Variants in SPSB1 observed in about 807,000 individuals in gnomAD.
SPSB1 encodes SPRY domain-containing SOCS box protein 1.
Under a neutral mutation model 21.2 loss-of-function variants are expected in SPSB1, and 8 were observed. The ratio of observed to expected loss-of-function variants is 0.38; its 90% CI spans 0.22 to 0.68. The LOEUF is 0.68. Ranked by LOEUF, SPSB1 falls within the 30% of genes least tolerant of loss-of-function variation. The pLI, the probability that SPSB1 is intolerant of heterozygous loss-of-function variation, is 0.53. For synonymous variants in SPSB1, 169 were observed against 161.7 expected, an observed-to-expected ratio of 1.05 and a Z score of -0.34; for missense variants, 242 against 377.8, an observed-to-expected ratio of 0.64 and a Z score of 2.98.
In SPSB1 at chr1:9,324,878, G is replaced by T. The variant is rs1196055907; in HGVS notation, c.-149-30865G>T. ...CCGTGGAGCCAGCACGGTCTTGTCG[G>T]ATCCAGACCAGACAAATGCTTTCTT... On this transcript the variant is annotated intron_variant, in intron 1 of 2. Coordinates refer to ENST00000328089, the MANE Select transcript of SPSB1 (RefSeq NM_025106.4). The surrounding 1 kb of genome is among the most constrained non-coding windows in gnomAD (Gnocchi z 4.3). Among the ~76,000 whole-genome samples the T allele has an allele frequency of 6.6e-6, 1 of 152,232 alleles. No individual in the cohort carries two copies. Among genetic ancestry groups the T allele is most frequent in the Non-Finnish European group, 1.5e-5 (1 of 68,038 alleles).
intron 1 of SPSB1, among the ~76,000 whole-genome samples, chr1:9,309,744 AG>A: frequency 6.6e-6 from 1 of 152,324 alleles, no homozygotes; most frequent in South Asian, 2.1e-4. Flanking sequence ...TGGGAGGCTG[AG>A]GCAGGAGAAT....
At chr1:9,309,301 A>AGTGTGTGTGTGTGTGT (rs35952855) in intron 1 of SPSB1, among the ~76,000 whole-genome samples, 7 of 133,226 alleles carry the variant, frequency 5.3e-5, no homozygotes, top group African/African-American at 2.1e-4. Context: ...AGAGAGAGAG[A>AGTGTGTGTGTGTGTGT]GTGTGTGTGT....
At chr1:9,314,269 G>A (rs937829766) in intron 1 of SPSB1, among the ~76,000 whole-genome samples, 6 of 151,992 alleles carry the variant, frequency 3.9e-5, no homozygotes, top group Admixed American at 3.3e-4. Flanking sequence ...TCTCTGCTGG[G>A]CCGGGAGTAG....
At chr1:9,315,250 C>T (rs9726646) in intron 1 of SPSB1, among the ~76,000 whole-genome samples, 57,013 of 151,994 alleles carry the variant, frequency 0.38, 11,249 homozygotes, top group South Asian at 0.46. Context: ...ACCAGCTCAG[C>T]AGATTCCACT....
At chr1:9,335,239 C>T (rs1213511321) in intron 1 of SPSB1, among the ~76,000 whole-genome samples, 2 of 152,148 alleles carry the variant, frequency 1.3e-5, no homozygotes, top group Admixed American at 1.3e-4. Context: ...CAGTGGCTCA[C>T]GCCTGTAATT....
chr1:9,323,112 G>A (rs944008334), intron 1 of SPSB1, among the ~76,000 whole-genome samples: 2 of 152,204 alleles, frequency 1.3e-5, no homozygotes, highest in African/African-American at 2.4e-5. Context: ...AGGACTTTGC[G>A]GCCTCTGCAG....
chr1:9,297,714 G>A (rs903662746), intron 1 of SPSB1, among the ~76,000 whole-genome samples: 10 of 152,198 alleles, frequency 6.6e-5, no homozygotes, highest in African/African-American at 2.4e-4. Context: ...CCCACTGTGA[G>A]TAAGTTGGAG....
At position 9,368,974 on chromosome 1, in the gene SPSB1, G is replaced by A. The variant is rs924761916; in HGVS notation, c.*1399G>A. ...TGAGCTTGAAGTTAACTCTCTTAGA[G>A]TCTAACTTTGGTTCATTTCTGCACA... On this transcript the variant is annotated 3_prime_UTR_variant, in exon 3 of 3. Transcript: ENST00000328089. 6.6e-6 allele frequency: 1 copy of A among 152,514 alleles called. No homozygotes were observed. The highest frequency in any genetic ancestry group is 2.4e-5 in the African/African-American group (1 of 41,404). 9.4% of individuals were successfully genotyped at this position (152,514 alleles called of 1,614,324 possible). A position where few individuals can be genotyped will look rare whatever the true frequency, so the allele number is the denominator to read the frequency against.
chr1:9,340,643 G>A (rs1318130705), intron 1 of SPSB1, among the ~76,000 whole-genome samples: 1 of 152,250 alleles, frequency 6.6e-6, no homozygotes, highest in Non-Finnish European at 1.5e-5. Context: ...CGCAGCACCT[G>A]GGTCTGCGGT....
chr1:9,326,141 G>C (rs76402707), intron 1 of SPSB1, among the ~76,000 whole-genome samples: 2,029 of 152,208 alleles, frequency 0.013, 38 homozygotes, highest in African/African-American at 0.046. Flanking sequence ...GAATGTTCTT[G>C]GTGGGGCTGA....
At chr1:9,307,872 G>T (rs75746801) in intron 1 of SPSB1, among the ~76,000 whole-genome samples, 2 of 152,098 alleles carry the variant, frequency 1.3e-5, no homozygotes, top group African/African-American at 4.8e-5. Context: ...CGGGGTGCGC[G>T]TGGCCCCTCC....
Position 9,317,466 on chromosome 1 carries a change from A to G in SPSB1, c.-150+24395A>G, listed in dbSNP as rs183624842. Reference sequence around the variant, plus strand: ...GTGTGGTAGAGATTTTCAGACCACCAGGTGAGAACAGACAGGTTTTTTGTC... The same window carrying G: ...GTGTGGTAGAGATTTTCAGACCACCGGGTGAGAACAGACAGGTTTTTTGTC... On this transcript the variant is annotated intron_variant, in intron 1 of 2. Coordinates refer to ENST00000328089, the MANE Select transcript of SPSB1 (RefSeq NM_025106.4). This position sits in a 1 kb window ranked among gnomAD's most constrained non-coding sequence, Gnocchi z 4.3. Among the ~76,000 whole-genome samples the G allele has an allele frequency of 6.6e-6, 1 of 152,252 alleles. No homozygotes were observed. Among genetic ancestry groups the G allele is most frequent in the East Asian group, 1.9e-4 (1 of 5,178 alleles).
At chr1:9,333,328 CTTTTT>C (rs33924371) in intron 1 of SPSB1, among the ~76,000 whole-genome samples, 2 of 126,512 alleles carry the variant, frequency 1.6e-5, no homozygotes, top group Admixed American at 1.6e-4. Flanking sequence ...TTGTCAGCTT[CTTTTT>C]TTTTTTTTTT....
intron 1 of SPSB1, among the ~76,000 whole-genome samples, chr1:9,353,468 C>G (rs1640304865): frequency 6.6e-6 from 1 of 152,138 alleles, no homozygotes; most frequent in Non-Finnish European, 1.5e-5. Context: ...CCTGGGAGAT[C>G]ATGGATGTGA....
intron 1 of SPSB1, among the ~76,000 whole-genome samples, chr1:9,316,356 C>T (rs1392543761): frequency 1.3e-5 from 2 of 152,128 alleles, no homozygotes; most frequent in African/African-American, 4.8e-5. Flanking sequence ...GAGAGACAGC[C>T]CCTGGGGCAC....
At chr1:9,315,302 G>A (rs560418761) in intron 1 of SPSB1, among the ~76,000 whole-genome samples, 8 of 152,210 alleles carry the variant, frequency 5.3e-5, no homozygotes, top group South Asian at 2.1e-4. Flanking sequence ...ACACAGCCCC[G>A]TGCCAGTGTT....
intron 1 of SPSB1, among the ~76,000 whole-genome samples, chr1:9,298,802 C>T (rs1389256661): frequency 6.6e-6 from 1 of 152,318 alleles, no homozygotes; most frequent in Non-Finnish European, 1.5e-5. Context: ...TTCCTGGTTC[C>T]AGATTCAAAG....
At chr1:9,362,436 C>T (rs968942823) in intron 2 of SPSB1, among the ~76,000 whole-genome samples, 1 of 152,250 alleles carries the variant, frequency 6.6e-6, no homozygotes, top group African/African-American at 2.4e-5. Flanking sequence ...AAAACACACA[C>T]ACATCCTATG....
At chr1:9,306,900 T>C (rs1179020086) in intron 1 of SPSB1, among the ~76,000 whole-genome samples, 2 of 149,018 alleles carry the variant, frequency 1.3e-5, no homozygotes, top group Non-Finnish European at 3.0e-5. Context: ...AATTAGGGTG[T>C]CTTTTTTCTT....
Sources: allele counts gnomAD v4.1 joint callset (sites outside exome capture counted in the v4.1 genomes callset), GRCh38; gene constraint gnomAD v4.1.1; non-coding constraint Gnocchi (gnomAD v3.1); transcripts MANE v1.5; gene names NCBI Gene and HGNC (gene_info 2026-07-23, HGNC 2026-07-21).